Variants in OPCML observed in about 807,000 individuals in gnomAD.
The protein encoded by OPCML is opioid-binding protein/cell adhesion molecule.
In OPCML, 13 loss-of-function variants were observed where a neutral mutation model predicts 37.8. The observed-to-expected ratio is 0.34, with a 90% CI of 0.22 to 0.55. OPCML has a LOEUF of 0.55. OPCML is among the 20% of genes least tolerant of loss of function. The pLI is 0.91. For synonymous variants in OPCML, 176 were observed against 168.8 expected (o/e 1.04, Z -0.33); for missense variants, 341 against 435.6 (o/e 0.78, Z 1.93).
chr11:132,826,096 C>G (rs970885526), intron 2 of OPCML, among the ~76,000 whole-genome samples: 9 of 152,298 alleles, frequency 5.9e-5, no homozygotes, highest in African/African-American at 2.2e-4. Flanking sequence ...TATGTCCTGT[C>G]CATCTCTGTG....
chr11:133,347,624 G>T, intron 1 of OPCML, among the ~76,000 whole-genome samples: 1 of 152,100 alleles, frequency 6.6e-6, no homozygotes, highest in Non-Finnish European at 1.5e-5. Flanking sequence ...ATGAAAACCA[G>T]GTGCTTCAAG....
chr11:132,457,618 C>T (rs1426792098), intron 4 of OPCML, among the ~76,000 whole-genome samples: 3 of 152,150 alleles, frequency 2.0e-5, no homozygotes, highest in African/African-American at 7.2e-5. Flanking sequence ...AGCAATAAGA[C>T]CTCCATCCAC....
Position 132,943,129 on chromosome 11 carries a change from G to A in OPCML, c.62-119C>T, listed in dbSNP as rs764292956. ...ACAACTTCCCAGGACTCCGGCAGCC[G>A]CACAGTCCTGGTCCCCCGCCCCGCG... On this transcript the variant is annotated intron_variant, in intron 1 of 7. Coordinates refer to ENST00000524381, the MANE Select transcript of OPCML (RefSeq NM_001012393.5). The surrounding 1 kb of genome is among the most constrained non-coding windows in gnomAD (Gnocchi z 4.3). The A allele has an allele frequency of 2.5e-6, 4 of 1,613,228 alleles. No homozygotes were observed. Among genetic ancestry groups the A allele is most frequent in the African/African-American group, 2.7e-5 (2 of 74,908 alleles).
chr11:132,687,968 A>G (rs1943237318), intron 2 of OPCML, among the ~76,000 whole-genome samples: 1 of 152,162 alleles, frequency 6.6e-6, no homozygotes, highest in African/African-American at 2.4e-5. Flanking sequence ...GACTTAAAAA[A>G]TCTAGGGATA....
At chr11:133,460,976 G>A (rs1273101236) in intron 1 of OPCML, among the ~76,000 whole-genome samples, 1 of 151,620 alleles carries the variant, frequency 6.6e-6, no homozygotes, top group Non-Finnish European at 1.5e-5. Flanking sequence ...GAATGAAGGA[G>A]GGAAAAAAAC....
chr11:133,423,963 G>A (rs1945947907), intron 1 of OPCML, among the ~76,000 whole-genome samples: 1 of 152,176 alleles, frequency 6.6e-6, no homozygotes. Context: ...CAGAAGCCAA[G>A]CAGATGCCAA....
chr11:133,088,894 T>G (rs1251467420), intron 1 of OPCML, among the ~76,000 whole-genome samples: 5 of 152,178 alleles, frequency 3.3e-5, no homozygotes, highest in Admixed American at 3.3e-4. Flanking sequence ...TACTATAATT[T>G]CATCCCAGAA....
intron 1 of OPCML, among the ~76,000 whole-genome samples, chr11:133,109,351 C>G (rs923422324): frequency 3.9e-5 from 6 of 152,148 alleles, no homozygotes; most frequent in Admixed American, 6.5e-5. Context: ...CCGCTGCTGG[C>G]TGGGGGTGGT....
In OPCML at chr11:132,524,450, A is replaced by T. The variant is rs74472894; in HGVS notation, c.505+4611T>A. 5.7e-3 allele frequency among the ~76,000 whole-genome samples: 861 copies of T among 152,302 alleles called. 11 individuals are homozygous for T. The highest frequency in any genetic ancestry group is 0.019 in the African/African-American group (808 of 41,558). On this transcript the variant is annotated intron_variant, in intron 4 of 7. Transcript: ENST00000524381. ...CTGCTACACAAGTACCATACCCTCTAGCAGATCTATATAAATATTTTTAAT... is the reference window on the plus strand; with the variant it reads ...CTGCTACACAAGTACCATACCCTCTTGCAGATCTATATAAATATTTTTAAT...
At chr11:132,724,597 T>A (rs1348237710) in intron 2 of OPCML, among the ~76,000 whole-genome samples, 1 of 152,112 alleles carries the variant, frequency 6.6e-6, no homozygotes, top group Admixed American at 6.5e-5. Flanking sequence ...TCAAAACCAA[T>A]CATGCCTTCC....
chr11:133,028,851 TG>T (rs1947613753), intron 1 of OPCML, among the ~76,000 whole-genome samples: 1 of 149,934 alleles, frequency 6.7e-6, no homozygotes, highest in Non-Finnish European at 1.5e-5. Context: ...AAACAAAAAT[TG>T]ACAATTGGGA....
chr11:132,803,597 G>T (rs1938817571), intron 2 of OPCML, among the ~76,000 whole-genome samples: 1 of 152,130 alleles, frequency 6.6e-6, no homozygotes, highest in South Asian at 2.1e-4. Flanking sequence ...ATTCAACTTG[G>T]AATACTCGGA....
intron 4 of OPCML, among the ~76,000 whole-genome samples, chr11:132,492,741 T>G (rs1183778277): frequency 6.8e-6 from 1 of 146,356 alleles, no homozygotes; most frequent in Non-Finnish European, 1.5e-5. Flanking sequence ...GATATAGGAT[T>G]TATTTATTGT....
intron 2 of OPCML, among the ~76,000 whole-genome samples, chr11:132,806,112 T>G (rs1210373260): frequency 1.3e-5 from 2 of 152,100 alleles, no homozygotes; most frequent in African/African-American, 4.8e-5. Flanking sequence ...AAAAGAGTTA[T>G]AGCTAAGAAG....
intron 2 of OPCML, among the ~76,000 whole-genome samples, chr11:132,704,963 G>A (rs372711718): frequency 1.3e-5 from 2 of 152,236 alleles, no homozygotes; most frequent in East Asian, 1.9e-4. Context: ...AGATGGAAGA[G>A]TGAAGTATGC....
At chr11:132,463,935 G>A (rs1031919369) in intron 4 of OPCML, among the ~76,000 whole-genome samples, 3 of 152,230 alleles carry the variant, frequency 2.0e-5, no homozygotes, top group Non-Finnish European at 4.4e-5. Flanking sequence ...TCTTGGGCAA[G>A]TAATTAACTG....
chr11:132,843,206 T>G (rs1591688136), intron 2 of OPCML, among the ~76,000 whole-genome samples: 1 of 151,266 alleles, frequency 6.6e-6, no homozygotes, highest in East Asian at 2.0e-4. Context: ...GCGATTCTCC[T>G]GCCTCAGCCT....
At chr11:132,805,860 G>A (rs887146771) in intron 2 of OPCML, among the ~76,000 whole-genome samples, 1 of 152,124 alleles carries the variant, frequency 6.6e-6, no homozygotes, top group Non-Finnish European at 1.5e-5. Context: ...ATATAAATGA[G>A]TATGTTTACT....
chr11:132,806,093 A>G (rs1938990778), intron 2 of OPCML, among the ~76,000 whole-genome samples: 1 of 152,146 alleles, frequency 6.6e-6, no homozygotes, highest in African/African-American at 2.4e-5. Context: ...CCATATAAAA[A>G]TTTTAATAAA....
Sources: allele counts gnomAD v4.1 joint callset (sites outside exome capture counted in the v4.1 genomes callset), GRCh38; gene constraint gnomAD v4.1.1; non-coding constraint Gnocchi (gnomAD v3.1); transcripts MANE v1.5; gene names NCBI Gene and HGNC (gene_info 2026-07-23, HGNC 2026-07-21).